NPAS3: variants seen among roughly 807,000 people sequenced by gnomAD.
NPAS3 encodes the protein neuronal PAS domain-containing protein 3.
In NPAS3, 14 loss-of-function variants were observed where a neutral mutation model predicts 73.1. That is an observed-to-expected ratio of 0.19 (90% CI 0.13 to 0.30). NPAS3 has a LOEUF of 0.30. Ranked by LOEUF, NPAS3 falls within the 10% of genes least tolerant of loss-of-function variation. The probability of loss-of-function intolerance (pLI) is 1.00; values close to 1 mark genes in which losing one functional copy is unlikely to be tolerated. For missense variants in NPAS3, 1,096 were observed against 1,250.0 expected (o/e 0.88, Z 1.86); for synonymous variants, 620 against 541.5 (o/e 1.14, Z -2.01).
intron 5 of NPAS3, among the ~76,000 whole-genome samples, chr14:33,615,666 T>C (rs951964958): frequency 2.0e-5 from 3 of 152,164 alleles, no homozygotes; most frequent in Non-Finnish European, 4.4e-5. Context: ...CTATAATAAT[T>C]TGAGTAATGC....
intron 1 of NPAS3, among the ~76,000 whole-genome samples, chr14:33,030,174 A>C (rs2039940476): frequency 6.6e-6 from 1 of 152,210 alleles, no homozygotes; most frequent in African/African-American, 2.4e-5. Context: ...TTCAGTCTTA[A>C]ATTTTATAGA....
At chr14:33,398,504 A>G (rs1041085985) in intron 4 of NPAS3, among the ~76,000 whole-genome samples, 1 of 151,720 alleles carries the variant, frequency 6.6e-6, no homozygotes, top group Admixed American at 6.6e-5. Context: ...TTTCTTAGTA[A>G]TATGTCCTAA....
intron 2 of NPAS3, among the ~76,000 whole-genome samples, chr14:33,065,801 A>G (rs927999557): frequency 6.6e-6 from 1 of 152,098 alleles, no homozygotes; most frequent in African/African-American, 2.4e-5. Flanking sequence ...ATAAGCTTTC[A>G]TAACAGCATC....
At chr14:33,051,772 G>T (rs534858817) in intron 1 of NPAS3, among the ~76,000 whole-genome samples, 26 of 152,124 alleles carry the variant, frequency 1.7e-4, no homozygotes, top group Admixed American at 2.6e-4. Context: ...ACATTTTTTT[G>T]TGTGTGAGAT....
At chr14:33,289,938 C>A (rs181337304) in intron 3 of NPAS3, among the ~76,000 whole-genome samples, 2 of 152,050 alleles carry the variant, frequency 1.3e-5, no homozygotes, top group African/African-American at 4.8e-5. Context: ...CTGTCTGATA[C>A]GCCCATCTCA....
At chr14:33,271,685 C>T (rs1765981744) in intron 3 of NPAS3, among the ~76,000 whole-genome samples, 1 of 152,126 alleles carries the variant, frequency 6.6e-6, no homozygotes, top group Admixed American at 6.6e-5. Context: ...GGTTTGCTTG[C>T]TCTACCATCT....
intron 5 of NPAS3, among the ~76,000 whole-genome samples, chr14:33,654,774 C>T (rs2059095756): frequency 6.6e-6 from 1 of 151,880 alleles, no homozygotes; most frequent in East Asian, 1.9e-4. Context: ...TGCAGTTTGA[C>T]CCTCACTTCA....
chr14:33,614,943 G>T (rs1958555), intron 5 of NPAS3, among the ~76,000 whole-genome samples: 29,292 of 152,078 alleles, frequency 0.19, 3,634 homozygotes, highest in African/African-American at 0.36. Flanking sequence ...TAGGAAAAAA[G>T]GAGCCATGAA....
chr14:33,027,120 T>C (rs907326883), intron 1 of NPAS3, among the ~76,000 whole-genome samples: 1 of 152,152 alleles, frequency 6.6e-6, no homozygotes, highest in Non-Finnish European at 1.5e-5. Context: ...CTAGGTCAGA[T>C]CATAGCCTCT....
intron 1 of NPAS3, among the ~76,000 whole-genome samples, chr14:33,046,697 C>G (rs1018968206): frequency 6.6e-6 from 1 of 152,114 alleles, no homozygotes; most frequent in Non-Finnish European, 1.5e-5. Flanking sequence ...AGTTAAGAGC[C>G]GGGAGCAGTG....
intron 4 of NPAS3, among the ~76,000 whole-genome samples, chr14:33,449,689 A>G (rs1444582426): frequency 6.6e-6 from 1 of 152,154 alleles, no homozygotes; most frequent in African/African-American, 2.4e-5. Flanking sequence ...AAAAAATGCA[A>G]TCTGCATTCT....
At position 33,095,632 on chromosome 14, in the gene NPAS3, T is replaced by C. The variant is rs556956210; in HGVS notation, c.140+39638T>C. 3.3e-5 allele frequency among the ~76,000 whole-genome samples: 5 copies of C among 150,240 alleles called. No individual in the cohort carries two copies. The East Asian group carries it at 7.8e-4, about 23-fold the overall frequency. On this transcript the variant is annotated intron_variant, in intron 2 of 11. Transcript: ENST00000356141. ...TCAAGTCCTAAAGCAAATAAAGCCTTACACAAAGGCGTGGGCATTCTCTGC... is the reference window on the plus strand; with the variant it reads ...TCAAGTCCTAAAGCAAATAAAGCCTCACACAAAGGCGTGGGCATTCTCTGC...
chr14:33,482,053 G>GT (rs35267663), intron 4 of NPAS3, among the ~76,000 whole-genome samples: 21,845 of 137,566 alleles, frequency 0.16, 3,002 homozygotes, highest in African/African-American at 0.37. Flanking sequence ...TCAGAAGCAA[G>GT]TTTTTTTTTT....
intron 2 of NPAS3, among the ~76,000 whole-genome samples, chr14:33,116,362 G>A (rs1170227132): frequency 1.3e-5 from 2 of 152,054 alleles, no homozygotes; most frequent in East Asian, 3.9e-4. Context: ...AACTTCCCAA[G>A]AACTTCAGGA....
chr14:33,734,952 C>A (rs2061486994), intron 6 of NPAS3, among the ~76,000 whole-genome samples: 1 of 152,128 alleles, frequency 6.6e-6, no homozygotes. Context: ...ATGACGAGAC[C>A]CCACTTAGGC....
intron 6 of NPAS3, among the ~76,000 whole-genome samples, chr14:33,687,704 A>C (rs927905904): frequency 6.6e-6 from 1 of 152,236 alleles, no homozygotes. Context: ...GTAAAAACAT[A>C]GTTGCATGTC....
intron 2 of NPAS3, among the ~76,000 whole-genome samples, chr14:33,209,710 C>G (rs2046960839): frequency 6.6e-6 from 1 of 152,120 alleles, no homozygotes; most frequent in Admixed American, 6.6e-5. Flanking sequence ...CCATAAAAAC[C>G]TGTCTGTCTG....
chr14:32,989,806 T>C (rs899227748), intron 1 of NPAS3, among the ~76,000 whole-genome samples: 3 of 152,160 alleles, frequency 2.0e-5, no homozygotes, highest in Admixed American at 6.5e-5. Context: ...CTAGTTAGAT[T>C]TGAATTTCAG....
chr14:33,676,287 T>A, exon 6 of NPAS3: 1 of 1,613,530 alleles, frequency 6.2e-7, no homozygotes, highest in South Asian at 1.1e-5. Flanking sequence ...CAGCTGGGCA[T>A]GAAGCTCCCC....
Sources: gnomAD v4.1 joint callset for allele counts (sites outside exome capture counted in the v4.1 genomes callset) on GRCh38, gnomAD v4.1.1 for gene constraint, MANE v1.5 for transcripts, NCBI Gene and HGNC (gene_info 2026-07-23, HGNC 2026-07-21) for gene names.